PPM1G: variants seen among roughly 807,000 people sequenced by gnomAD.
The protein encoded by PPM1G is protein phosphatase 1G.
A neutral mutation model predicts 59.4 loss-of-function variants in PPM1G; 12 were observed. That is an observed-to-expected ratio of 0.20 (90% confidence interval 0.13 to 0.33). The LOEUF (loss-of-function observed/expected upper bound fraction) is 0.33, where lower values mean the gene tolerates loss of function less well. Among genes scored for constraint, PPM1G ranks in the 10% least tolerant of loss-of-function variants. The probability of loss-of-function intolerance (pLI) is 1.00; values close to 1 mark genes in which losing one functional copy is unlikely to be tolerated. For missense variants in PPM1G, 392 were observed against 681.3 expected (o/e 0.58, Z 4.73); for synonymous variants, 245 against 251.9 (o/e 0.97, Z 0.26).
chr2:27,409,129 A>G (rs1663452612), intron 1 of PPM1G, among the ~76,000 whole-genome samples, 174 bp downstream of exon 1: 2 of 152,292 alleles, frequency 1.3e-5, no homozygotes, highest in Admixed American at 6.5e-5. Context: ...GTCCCCAAGC[A>G]TCGGGAGCTC....
chr2:27,386,444 CA>C, intron 2 of PPM1G, 165 bp from the exon 3 acceptor site: 3 of 481,040 alleles, frequency 6.2e-6, no homozygotes, highest in East Asian at 3.1e-5. Context: ...AGTTCTGATC[CA>C]AAAAAATGGA....
intron 1 of PPM1G, among the ~76,000 whole-genome samples, chr2:27,403,818 C>T (rs1572669786): frequency 6.7e-6 from 1 of 149,638 alleles, no homozygotes; most frequent in East Asian, 2.0e-4. Flanking sequence ...AACAGAAAGG[C>T]CAGTGAGCCG....
chr2:27,390,787 T>A (rs1683880906), intron 1 of PPM1G, among the ~76,000 whole-genome samples: 1 of 152,116 alleles, frequency 6.6e-6, no homozygotes, highest in Admixed American at 6.6e-5. Flanking sequence ...AATAGGTAGT[T>A]TTTCAGCTGT....
rs1275345267 is a variant in PPM1G at position 27,383,745 on chromosome 2, T to C, written c.967-145A>G. The C allele has an allele frequency of 8.7e-7, 1 of 1,154,754 alleles. No homozygotes were observed. The highest frequency in any genetic ancestry group is 1.2e-6 in the Non-Finnish European group (1 of 825,528). The allele number at this position is 1,154,754 out of a possible 1,614,324, so 71.5% of individuals were successfully genotyped here. A position where few individuals can be genotyped will look rare whatever the true frequency, so the allele number is the denominator to read the frequency against. On this transcript the variant is annotated intron_variant, in intron 6 of 9. Coordinates refer to ENST00000344034, the MANE Select transcript of PPM1G (RefSeq NM_177983.3). This position sits in a 1 kb window ranked among gnomAD's most constrained non-coding sequence, Gnocchi z 5.0. ...AGGAGAAGCACACATTTCATCTTTC[T>C]AGAGACAGCAGCACACTCCCTCTCC...
rs146906960 is a variant in PPM1G, at chr2:27,382,928, C to T, written c.1202-323G>A. On this transcript the variant is annotated intron_variant, in intron 7 of 9. Coordinates refer to ENST00000344034, the MANE Select transcript of PPM1G (RefSeq NM_177983.3). The surrounding 1 kb of genome is among the most constrained non-coding windows in gnomAD (Gnocchi z 4.2). ...ACAACCTCCGCCTCCCGGATTCAAG[C>T]GGTTCTCCTGCCTCAGCCTCCTGAG... Among the ~76,000 whole-genome samples, 1,144 of 151,508 alleles carry T rather than the reference C, an allele frequency of 7.6e-3. 19 individuals carry two copies. Among genetic ancestry groups the T allele is most frequent in the African/African-American group, 0.026 (1,090 of 41,256 alleles).
intron 1 of PPM1G, among the ~76,000 whole-genome samples, chr2:27,391,500 C>T (rs1190055274): frequency 3.3e-5 from 5 of 152,130 alleles, no homozygotes; most frequent in Non-Finnish European, 5.9e-5. Context: ...TGTTCATGTC[C>T]TTTGCCCACT....
At position 27,401,151 on chromosome 2, in the gene PPM1G, C is replaced by T. The variant is rs548798978; in HGVS notation, c.120+8152G>A. ...ACTGATCTAGAAAGAAGCAAAAGAA[C>T]CTTGGGTCAGCAAAATACTTATTCT... On this transcript the variant is annotated intron_variant, in intron 1 of 9. Transcript: ENST00000344034. Among the ~76,000 whole-genome samples the T allele has an allele frequency of 3.3e-5, 5 of 152,194 alleles. No individual in the cohort carries two copies. In the South Asian group the frequency reaches 1.0e-3, roughly 32 times the overall value.
chr2:27,396,028 T>G (rs1475617197), intron 1 of PPM1G, among the ~76,000 whole-genome samples: 2 of 152,152 alleles, frequency 1.3e-5, no homozygotes, highest in Non-Finnish European at 2.9e-5. Flanking sequence ...CCCAGCACTT[T>G]GGGAGGCCAA....
At chr2:27,406,502 A>T (rs920443334) in intron 1 of PPM1G, among the ~76,000 whole-genome samples, 5 of 152,248 alleles carry the variant, frequency 3.3e-5, no homozygotes, top group African/African-American at 1.2e-4. Context: ...GGGCAACTTC[A>T]GAAACAGCAC....
chr2:27,381,572 C>CA lies in PPM1G; in HGVS notation c.*26_*27insT. Reference sequence around the variant, plus strand: ...AGGTCCGGAGGGCTCAGAAAACAGTCTAGGTGGGCAGGGGTCTGGATGACT... The same window carrying CA: ...AGGTCCGGAGGGCTCAGAAAACAGTCATAGGTGGGCAGGGGTCTGGATGACT... On this transcript the variant is annotated 3_prime_UTR_variant, in exon 10 of 10. Coordinates refer to ENST00000344034, the MANE Select transcript of PPM1G (RefSeq NM_177983.3). The CA allele has an allele frequency of 6.2e-7, 1 of 1,613,710 alleles. No individual in the cohort carries two copies. The highest frequency in any genetic ancestry group is 8.5e-7 in the Non-Finnish European group (1 of 1,179,646).
intron 1 of PPM1G, chr2:27,392,747 A>T: frequency 8.3e-7 from 1 of 1,206,812 alleles, no homozygotes; most frequent in South Asian, 1.2e-5. Flanking sequence ...GTGACAAGGT[A>T]AGTCACCCTA....
intron 1 of PPM1G, among the ~76,000 whole-genome samples, chr2:27,405,293 G>C (rs982749868): frequency 2.0e-5 from 3 of 151,832 alleles, no homozygotes; most frequent in Non-Finnish European, 4.4e-5. Flanking sequence ...GAATGATCTC[G>C]GTCTCTTGAT....
intron 1 of PPM1G, among the ~76,000 whole-genome samples, chr2:27,405,794 G>A (rs962599883): frequency 1.3e-5 from 2 of 151,884 alleles, no homozygotes; most frequent in African/African-American, 4.8e-5. Flanking sequence ...CCTGAGGTCA[G>A]AAGTTCGAGA....
chr2:27,397,074 G>C (rs1189003731), intron 1 of PPM1G, among the ~76,000 whole-genome samples: 1 of 151,952 alleles, frequency 6.6e-6, no homozygotes. Flanking sequence ...TCTCCACGTT[G>C]CTCAGGCTGG....
intron 1 of PPM1G, among the ~76,000 whole-genome samples, chr2:27,391,488 T>C (rs910885250): frequency 2.6e-5 from 4 of 152,246 alleles, no homozygotes; most frequent in African/African-American, 9.6e-5. Flanking sequence ...TTGAGAAGTA[T>C]CTGTTCATGT....
At position 27,409,567 on chromosome 2, in the gene PPM1G, G is replaced by A. The variant is rs887403051; in HGVS notation, c.-145C>T. On this transcript the variant is annotated 5_prime_UTR_variant, in exon 1 of 10. Transcript: ENST00000344034. The stretch of plus-strand genomic sequence containing the variant: ...CGGTGAAAGGCGCGAGGCCGGCCAG[G>A]AGGCGGTAACGGGACGGGAGCTGTG... 1.8e-6 allele frequency: 2 copies of A among 1,106,768 alleles called. No homozygotes were observed. Among genetic ancestry groups the A allele is most frequent in the Non-Finnish European group, 1.2e-6 (1 of 850,490 alleles). 68.6% of individuals were successfully genotyped at this position (1,106,768 alleles called of 1,614,324 possible).
intron 1 of PPM1G, among the ~76,000 whole-genome samples, chr2:27,405,421 A>G (rs974573791): frequency 1.3e-5 from 2 of 151,390 alleles, no homozygotes; most frequent in African/African-American, 4.9e-5. Context: ...TTCATGGAGA[A>G]AGGAGGAAGG....
At chr2:27,392,916 A>G in intron 1 of PPM1G, 1 of 1,429,076 alleles carries the variant, frequency 7.0e-7, no homozygotes, top group Non-Finnish European at 9.7e-7. Flanking sequence ...TCACTTGTTC[A>G]TTCAGGTAAT....
intron 1 of PPM1G, among the ~76,000 whole-genome samples, chr2:27,394,086 G>A (rs1431206356): frequency 3.3e-5 from 5 of 150,580 alleles, no homozygotes; most frequent in Non-Finnish European, 5.9e-5. Flanking sequence ...TAGCAGAGAT[G>A]GGGTTTCACC....
Sources: allele counts gnomAD v4.1 joint callset (sites outside exome capture counted in the v4.1 genomes callset), GRCh38; gene constraint gnomAD v4.1.1; non-coding constraint Gnocchi (gnomAD v3.1); transcripts MANE v1.5; gene names NCBI Gene and HGNC (gene_info 2026-07-23, HGNC 2026-07-21).